Variants in BPTF observed in about 807,000 individuals in gnomAD.
BPTF encodes the protein bromodomain PHD finger transcription factor, also known as nucleosome-remodeling factor subunit BPTF.
In BPTF, 18 loss-of-function variants were observed where a neutral mutation model predicts 292.5. The ratio of observed to expected loss-of-function variants is 0.06; its 90% CI spans 0.04 to 0.09. The LOEUF is 0.09. BPTF is among the 10% of genes least tolerant of loss of function. BPTF has a pLI of 1.00. For synonymous variants in BPTF, 1,225 were observed against 1,251.9 expected (o/e 0.98, Z 0.45); for missense variants, 2,726 against 3,498.7 (o/e 0.78, Z 5.57).
rs549872203 is a variant in BPTF at position 67,942,198 on chromosome 17, C to T, written c.6477+1542C>T. On this transcript the variant is annotated intron_variant, in intron 19 of 27. Coordinates refer to ENST00000306378, the MANE Select transcript of BPTF (RefSeq NM_182641.4). ...AGGCGTGGTGGTGTACGCCTGTAAT[C>T]CCAGCTGCTTGGGAGGCTGAGGCAG... 8.5e-5 allele frequency among the ~76,000 whole-genome samples: 13 copies of T among 152,210 alleles called. No individual in the cohort carries two copies. The South Asian group carries it at 2.7e-3, about 32-fold the overall frequency.
intron 25 of BPTF, 139 bp from the exon 26 acceptor site, chr17:67,966,433 A>G: frequency 1.4e-6 from 1 of 694,924 alleles, no homozygotes; most frequent in South Asian, 1.8e-5. Context: ...TTACTAGAGC[A>G]GAAATCACTT....
Position 67,866,491 on chromosome 17 carries a change from A to G in BPTF, c.1464A>G (p.Glu488=). 6 of 1,612,880 alleles carry G rather than the reference A, an allele frequency of 3.7e-6. No individual in the cohort carries two copies. The highest frequency in any genetic ancestry group is 2.5e-6 in the Non-Finnish European group (3 of 1,178,860). Reference sequence around the variant, plus strand: ...AAGAAGATACAGAAAATGAAAATGAAAAGAAAATTTGGTATTACAGCACAA... The same window carrying G: ...AAGAAGATACAGAAAATGAAAATGAGAAGAAAATTTGGTATTACAGCACAA... ...IIEEDTENEN[E]KKIWYYSTKV... The change falls in exon 3 of 28, where the codon GAA becomes GAG. Residue 488 remains glutamate, a synonymous_variant. Coordinates refer to ENST00000306378, the MANE Select transcript of BPTF (RefSeq NM_182641.4).
At chr17:67,924,707 C>A in intron 15 of BPTF, 118 bp downstream of exon 15, 4 of 1,161,856 alleles carry the variant, frequency 3.4e-6, no homozygotes, top group Non-Finnish European at 5.0e-6. Context: ...TGACAACATA[C>A]ATACATTTTT....
At chr17:67,926,912 T>C (rs1481471853) in intron 15 of BPTF, among the ~76,000 whole-genome samples, 1 of 144,850 alleles carries the variant, frequency 6.9e-6, no homozygotes, top group African/African-American at 2.6e-5. Context: ...TGCCTCCCTC[T>C]TTTTTTTTTT....
Position 67,959,838 on chromosome 17 carries a change from C to A in BPTF, c.8224C>A (p.Leu2742Ile). The change falls in exon 24 of 28, where the codon CTT (leucine) becomes ATT (isoleucine). Residue 2742 changes from leucine (L) to isoleucine (I), a missense_variant. This residue lies in a region of BPTF where 148 missense variants were observed against 145.5 expected (regional missense o/e 1.02). Transcript: ENST00000306378. ...TSKETKKDTK[L>I]YCICKTPYDE... is the part of the protein sequence containing the mutation. ...AAAGGAAACTAAGAAGGACACAAAGCTTTACTGTATCTGTAAAACGCCTTA... is the reference window on the plus strand; with the variant it reads ...AAAGGAAACTAAGAAGGACACAAAGATTTACTGTATCTGTAAAACGCCTTA... 6.2e-7 allele frequency: 1 copy of A among 1,611,338 alleles called. No homozygotes were observed. The highest frequency in any genetic ancestry group is 1.3e-5 in the African/African-American group (1 of 74,772).
rs1481938456 is a variant in BPTF at position 67,893,506 on chromosome 17, C to T, written c.2192C>T (p.Thr731Ile). 2 of 1,613,976 alleles carry T rather than the reference C, an allele frequency of 1.2e-6. No homozygotes were observed. The highest frequency in any genetic ancestry group is 2.2e-5 in the East Asian group (1 of 44,892). ...CGCGTCTACCACAATCAATACTCCA[C>T]CAATTCATTTGCTTTGAATAAGCAC... ...KYRVYHNQYS[T>I]NSFALNKHQH... The change falls in exon 6 of 28, where the codon ACC becomes ATC. Residue 731 changes from threonine (T) to isoleucine (I), a missense_variant. Thr to Ile is a moderately conservative substitution (Grantham distance 89). Around this residue, in one of 22 missense-constraint regions of BPTF, gnomAD observed 63 missense variants for 84.1 expected, o/e 0.75. Transcript: ENST00000306378.
intron 3 of BPTF, among the ~76,000 whole-genome samples, chr17:67,874,322 A>T (rs1350233105): frequency 2.0e-5 from 3 of 152,158 alleles, no homozygotes; most frequent in African/African-American, 7.2e-5. Flanking sequence ...TGTTTCCAAA[A>T]GGGCCTCTGT....
chr17:67,948,042 A>C (rs1555676362), intron 22 of BPTF, 39 bp from the exon 23 acceptor site: 2 of 1,569,778 alleles, frequency 1.3e-6, no homozygotes, highest in Admixed American at 1.7e-5. Context: ...TTTCAAAATG[A>C]AACGCCCAGC....
chr17:67,933,781 AG>A (rs1370812275), intron 18 of BPTF, among the ~76,000 whole-genome samples: 4 of 152,178 alleles, frequency 2.6e-5, no homozygotes, highest in African/African-American at 9.7e-5. Context: ...GGCTTAACCC[AG>A]GCGCAGTGGC....
intron 4 of BPTF, among the ~76,000 whole-genome samples, chr17:67,886,505 C>T (rs2060765277): frequency 6.6e-6 from 1 of 151,424 alleles, no homozygotes; most frequent in South Asian, 2.1e-4. Context: ...TTAAACACAG[C>T]ACTTGCACTC....
rs782177494 is a variant in BPTF at position 67,946,022 on chromosome 17, GCAA to G, written c.7321_7323del (p.Gln2441del). On this transcript the variant is annotated inframe_deletion, in exon 21 of 28. Coordinates refer to ENST00000306378, the MANE Select transcript of BPTF (RefSeq NM_182641.4). ...CCCAAGTCATTGCTGTGCCTCAGCT[GCAA>G]CAACAAGTCCAGGTTCTCTCTCAGA... The G allele has an allele frequency of 4.2e-5, 68 of 1,614,184 alleles. No individual in the cohort carries two copies. The highest frequency in any genetic ancestry group is 1.6e-4 in the Middle Eastern group (1 of 6,062).
chr17:67,840,272 T>G (rs2057445509), intron 1 of BPTF, among the ~76,000 whole-genome samples: 1 of 151,968 alleles, frequency 6.6e-6, no homozygotes, highest in South Asian at 2.1e-4. Flanking sequence ...AGTTGGCTAA[T>G]TTTTTATTTT....
At chr17:67,909,279 C>T (rs796471027) in intron 9 of BPTF, among the ~76,000 whole-genome samples, 30 of 91,408 alleles carry the variant, frequency 3.3e-4, no homozygotes, top group East Asian at 1.1e-3. Flanking sequence ...CCCCCCCCCC[C>T]TTTTTTTTTT....
intron 7 of BPTF, among the ~76,000 whole-genome samples, chr17:67,896,470 T>TTC (rs74276828): frequency 0.23 from 27,494 of 120,650 alleles, 3,271 homozygotes; most frequent in East Asian, 0.71. Flanking sequence ...CTAGAAACTG[T>TTC]CCCCCCAGTG....
chr17:67,883,788 A>G (rs2060574283), intron 4 of BPTF, among the ~76,000 whole-genome samples: 1 of 152,034 alleles, frequency 6.6e-6, no homozygotes, highest in Non-Finnish European at 1.5e-5. Flanking sequence ...TTTAGTAGAG[A>G]CGGGGTTTCA....
chr17:67,831,774 C>T (rs910049835), intron 1 of BPTF, among the ~76,000 whole-genome samples: 1 of 152,194 alleles, frequency 6.6e-6, no homozygotes, highest in Non-Finnish European at 1.5e-5. Flanking sequence ...TGGAATCCCT[C>T]TTCCTGGGAG....
At chr17:67,962,752 A>G (rs8064993) in intron 24 of BPTF, among the ~76,000 whole-genome samples, 140,552 of 152,266 alleles carry the variant, frequency 0.92, 65,967 homozygotes, top group East Asian at 1. Flanking sequence ...AGATTGAATT[A>G]CTCTATGTAC....
chr17:67,969,054 C>T (rs2068464499), intron 26 of BPTF, among the ~76,000 whole-genome samples: 1 of 151,398 alleles, frequency 6.6e-6, no homozygotes, highest in African/African-American at 2.5e-5. Context: ...GTAACCCCAG[C>T]ACTTTCACAG....
chr17:67,873,992 C>CTGGATGGATGGATGGGTGGA (rs113053140), intron 3 of BPTF, among the ~76,000 whole-genome samples: 16 of 150,334 alleles, frequency 1.1e-4, no homozygotes, highest in African/African-American at 4.0e-4. Context: ...TAAGAAAATG[C>CTGGATGGATGGATGGGTGGA]TGGATGGATG....
Sources: allele counts gnomAD v4.1 joint callset (sites outside exome capture counted in the v4.1 genomes callset), GRCh38; gene constraint gnomAD v4.1.1; regional missense constraint gnomAD v4.1.1; transcripts MANE v1.5; gene names NCBI Gene and HGNC (gene_info 2026-07-23, HGNC 2026-07-21).